DUSP16: variants seen among roughly 807,000 people sequenced by gnomAD.
DUSP16 encodes dual specificity phosphatase 16.
Under a neutral mutation model 58.3 loss-of-function variants are expected in DUSP16, and 21 were observed. The ratio of observed to expected loss-of-function variants is 0.36; its 90% confidence interval spans 0.26 to 0.52. The LOEUF (loss-of-function observed/expected upper bound fraction) is 0.52, where lower values mean the gene tolerates loss of function less well. DUSP16 is among the 20% of genes least tolerant of loss of function. DUSP16 has a pLI of 0.94. For missense variants in DUSP16, 726 were observed against 819.0 expected (o/e 0.89, Z 1.39); for synonymous variants, 320 against 323.8 (o/e 0.99, Z 0.12).
intron 2 of DUSP16, 99 bp from the exon 3 acceptor site, chr12:12,520,099 T>A (rs1054734034): frequency 8.5e-6 from 10 of 1,170,380 alleles, no homozygotes; most frequent in Admixed American, 2.2e-5. Flanking sequence ...GGCGAATAAT[T>A]GCTTCCTGTT....
rs1045796355 is a variant in DUSP16, at chr12:12,521,470, GGA to G, written c.-365-9_-365-8del. 47 of 1,053,362 alleles carry G rather than the reference GGA, an allele frequency of 4.5e-5. No individual in the cohort carries two copies. The highest frequency in any genetic ancestry group is 5.3e-5 in the Non-Finnish European group (46 of 870,364). 65.3% of individuals were successfully genotyped at this position (1,053,362 alleles called of 1,614,324 possible). On this transcript the variant is annotated splice_region_variant and splice_polypyrimidine_tract_variant and intron_variant, in intron 1 of 6. Coordinates refer to ENST00000298573, the MANE Select transcript of DUSP16 (RefSeq NM_030640.3). ...TTTACACTGGACTGAAAGCCTACGC[GGA>G]GAGAGAAAGACAGAAAACAAAACGT...
chr12:12,551,807 C>G (rs1251610469), intron 1 of DUSP16, among the ~76,000 whole-genome samples: 1 of 151,676 alleles, frequency 6.6e-6, no homozygotes, highest in Non-Finnish European at 1.5e-5. Context: ...ATTCTCCTGT[C>G]TCAGCCTCCC....
At chr12:12,496,461 T>C (rs1457363446) in intron 4 of DUSP16, among the ~76,000 whole-genome samples, 1 of 152,214 alleles carries the variant, frequency 6.6e-6, no homozygotes, top group African/African-American at 2.4e-5. Flanking sequence ...GTTAAGAGGC[T>C]GAAATAAGAA....
intron 3 of DUSP16, among the ~76,000 whole-genome samples, chr12:12,514,365 C>G (rs1944118250): frequency 2.0e-5 from 3 of 152,194 alleles, no homozygotes; most frequent in Admixed American, 2.0e-4. Flanking sequence ...TCAGAAGACC[C>G]TGAAACCTTC....
chr12:12,531,833 T>C (rs1369261299), intron 1 of DUSP16, among the ~76,000 whole-genome samples: 4 of 151,540 alleles, frequency 2.6e-5, no homozygotes, highest in African/African-American at 9.7e-5. Flanking sequence ...ATCACACCAC[T>C]GCACTCCAAC....
At chr12:12,507,597 C>T (rs764127329) in intron 3 of DUSP16, among the ~76,000 whole-genome samples, 10 of 150,132 alleles carry the variant, frequency 6.7e-5, no homozygotes, top group African/African-American at 1.9e-4. Context: ...TTGAACTATG[C>T]GGTTAAATTC....
Position 12,519,955 on chromosome 12 carries a change from A to G in DUSP16, c.274T>C (p.Ser92Pro). ...GAAGAGAGAGAGGCAACATCTTGGG[A>G]GCTTTGATCGTAAACTACAACCTTC... ...SQKVVVYDQS[S>P]QDVASLSSDC... is the part of the protein sequence containing the mutation. The change falls in exon 3 of 7, where the codon TCC (serine) becomes CCC (proline). Residue 92 changes from serine to proline, a missense_variant. Transcript: ENST00000298573. 1 of 1,614,156 alleles carries G rather than the reference A, an allele frequency of 6.2e-7. No individual in the cohort carries two copies. The highest frequency in any genetic ancestry group is 8.5e-7 in the Non-Finnish European group (1 of 1,179,990).
At chr12:12,479,685 C>A (rs181108636) in intron 6 of DUSP16, among the ~76,000 whole-genome samples, 2 of 152,144 alleles carry the variant, frequency 1.3e-5, no homozygotes, top group Non-Finnish European at 2.9e-5. Context: ...GGGAGTCAGA[C>A]AAATCAGAGA....
intron 1 of DUSP16, among the ~76,000 whole-genome samples, chr12:12,557,319 C>T (rs571275663): frequency 4.6e-5 from 7 of 151,804 alleles, no homozygotes; most frequent in South Asian, 2.1e-4. Flanking sequence ...TAGCTGGGTG[C>T]GGTGGCACAC....
chr12:12,517,667 A>G (rs1944173528), intron 3 of DUSP16, among the ~76,000 whole-genome samples: 1 of 152,214 alleles, frequency 6.6e-6, no homozygotes. Flanking sequence ...ACCCTCTCTT[A>G]GGTGTCACAA....
At chr12:12,558,051 G>C (rs1199849898) in intron 1 of DUSP16, among the ~76,000 whole-genome samples, 1 of 152,184 alleles carries the variant, frequency 6.6e-6, no homozygotes, top group East Asian at 1.9e-4. Context: ...CAGCTGTCTG[G>C]TAATTATCTT....
In DUSP16 at chr12:12,475,911, CTTTA is replaced by C. The variant is rs936362439; in HGVS notation, c.*918_*921del. On this transcript the variant is annotated 3_prime_UTR_variant, in exon 7 of 7. Transcript: ENST00000298573. ...ACATTTGGCTTGAAACCAAGTTCATCTTTATTTAAAGGATTGACAATCCCATTTT... is the reference window on the plus strand; with the variant it reads ...ACATTTGGCTTGAAACCAAGTTCATCTTTAAAGGATTGACAATCCCATTTT... 2.0e-5 allele frequency: 3 copies of C among 152,194 alleles called. No individual in the cohort carries two copies. The highest frequency in any genetic ancestry group is 4.4e-5 in the Non-Finnish European group (3 of 68,014). 9.4% of individuals were successfully genotyped at this position (152,194 alleles called of 1,614,324 possible).
intron 4 of DUSP16, among the ~76,000 whole-genome samples, chr12:12,488,111 C>A (rs1363854090): frequency 1.3e-5 from 2 of 152,142 alleles, no homozygotes; most frequent in African/African-American, 4.8e-5. Context: ...GCTTTATCCA[C>A]ATTCTTTTCA....
At position 12,474,645 on chromosome 12, in the gene DUSP16, GACT is replaced by G. The variant is rs1253069907; in HGVS notation, c.*2185_*2187del. On this transcript the variant is annotated 3_prime_UTR_variant, in exon 7 of 7. Transcript: ENST00000298573. ...ACCAGCACTAAAGGCTGTAGGATGT[GACT>G]ACATCACAGTTCCAGAAGGAAGGGG... 1 of 133,620 alleles carries G rather than the reference GACT, an allele frequency of 7.5e-6. No individual in the cohort carries two copies. The highest frequency in any genetic ancestry group is 2.1e-4 in the East Asian group (1 of 4,866). The allele number at this position is 133,620 out of a possible 1,614,324, so 8.3% of individuals were successfully genotyped here. A position where few individuals can be genotyped will look rare whatever the true frequency, so the allele number is the denominator to read the frequency against.
chr12:12,476,752 A>C lies in DUSP16; in HGVS notation c.*81T>G. 7.7e-7 allele frequency: 1 copy of C among 1,302,120 alleles called. No individual in the cohort carries two copies. The highest frequency in any genetic ancestry group is 1.1e-6 in the Non-Finnish European group (1 of 951,590). The allele number at this position is 1,302,120 out of a possible 1,614,324, so 80.7% of individuals were successfully genotyped here. A position where few individuals can be genotyped will look rare whatever the true frequency, so the allele number is the denominator to read the frequency against. On this transcript the variant is annotated 3_prime_UTR_variant, in exon 7 of 7. Coordinates refer to ENST00000298573, the MANE Select transcript of DUSP16 (RefSeq NM_030640.3). The stretch of plus-strand genomic sequence containing the variant: ...TCCAAAAATATATATGTATGTACAT[A>C]TATATATTTCAGATTTACAGGGAAT...
chr12:12,552,629 G>A (rs570995427), intron 1 of DUSP16, among the ~76,000 whole-genome samples: 1 of 152,052 alleles, frequency 6.6e-6, no homozygotes, highest in Non-Finnish European at 1.5e-5. Context: ...TTGAATACAG[G>A]AGCAATTATG....
At chr12:12,532,310 A>T (rs1424139757) in intron 1 of DUSP16, among the ~76,000 whole-genome samples, 2 of 152,248 alleles carry the variant, frequency 1.3e-5, no homozygotes, top group Admixed American at 1.3e-4. Flanking sequence ...AAATCCTGCA[A>T]CATGGTATGC....
At chr12:12,533,948 G>C (rs963466376) in intron 1 of DUSP16, among the ~76,000 whole-genome samples, 1 of 152,216 alleles carries the variant, frequency 6.6e-6, no homozygotes, top group Non-Finnish European at 1.5e-5. Flanking sequence ...TCTCCTAACA[G>C]GGACAGGGCT....
intron 4 of DUSP16, chr12:12,491,427 A>G (rs1005575672): frequency 1.3e-5 from 2 of 152,208 alleles, no homozygotes; most frequent in African/African-American, 4.8e-5. Context: ...TTGTGGAATA[A>G]GGATTGCTTT....
Sources: allele counts gnomAD v4.1 joint callset (sites outside exome capture counted in the v4.1 genomes callset), GRCh38; gene constraint gnomAD v4.1.1; transcripts MANE v1.5; gene names NCBI Gene and HGNC (gene_info 2026-07-23, HGNC 2026-07-21).